The following DHRS12 variants were observed in gnomAD, a reference collection of about 807,000 sequenced individuals.
DHRS12 encodes the protein dehydrogenase/reductase SDR family member 12.
Under a neutral mutation model 32.1 loss-of-function variants are expected in DHRS12, and 29 were observed. The ratio of observed to expected loss-of-function variants is 0.90; its 90% CI spans 0.67 to 1.23. The LOEUF (loss-of-function observed/expected upper bound fraction) is 1.23, where lower values mean the gene tolerates loss of function less well. Ranked by LOEUF, DHRS12 falls within the 50% of genes most tolerant of loss-of-function variation. The pLI is 0.00. For synonymous variants in DHRS12, 150 were observed against 135.9 expected (o/e 1.10, Z -0.72); for missense variants, 330 against 337.2 (o/e 0.98, Z 0.17).
At chr13:51,759,186 A>G in the DHRS12 span, among the ~76,000 whole-genome samples, 1 of 152,154 alleles carries the variant, frequency 6.6e-6, no homozygotes, top group Non-Finnish European at 1.5e-5. Context: ...GTCTCAAAAT[A>G]ATTAATTAAT....
At chr13:51,760,780 C>T in the DHRS12 span, 1 of 152,322 alleles carries the variant, frequency 6.6e-6, no homozygotes, top group Admixed American at 6.5e-5. Context: ...ATGCGCAGTT[C>T]ACAATAGAGT....
chr13:51,755,805 C>T, the DHRS12 span, among the ~76,000 whole-genome samples: 6 of 152,078 alleles, frequency 3.9e-5, no homozygotes, highest in African/African-American at 1.2e-4. Context: ...ATTTTACTTT[C>T]CCTCCTTCTG....
chr13:51,756,648 A>G, the DHRS12 span: 1 of 985,282 alleles, frequency 1.0e-6, no homozygotes, highest in Non-Finnish European at 1.2e-6. Flanking sequence ...AGATGAGAGA[A>G]GAGAAAATAC....
intron 2 of DHRS12, among the ~76,000 whole-genome samples, chr13:51,795,700 A>T (rs987947180): frequency 1.4e-4 from 21 of 152,208 alleles, no homozygotes; most frequent in African/African-American, 5.1e-4. Flanking sequence ...CCCAGGAACC[A>T]GAAGGAAGAA....
intron 8 of DHRS12, chr13:51,768,548 AG>A: frequency 7.4e-7 from 1 of 1,358,976 alleles, no homozygotes; most frequent in Non-Finnish European, 9.5e-7. Context: ...ATCAGCAGGA[AG>A]GGGTGCGGCC....
intron 4 of DHRS12, among the ~76,000 whole-genome samples, chr13:51,784,287 G>A (rs1051616209): frequency 6.6e-6 from 1 of 152,224 alleles, no homozygotes; most frequent in African/African-American, 2.4e-5. Flanking sequence ...TGGGAGCCCA[G>A]AGGGGAGCAT....
downstream of DHRS12, chr13:51,765,850 A>G (rs1953729734): frequency 6.6e-6 from 1 of 152,244 alleles, no homozygotes; most frequent in Non-Finnish European, 1.5e-5. Flanking sequence ...TTAAAAATAG[A>G]TACCTCAAAA....
chr13:51,755,523 A>C, the DHRS12 span: 1 of 1,521,478 alleles, frequency 6.6e-7, no homozygotes, highest in Non-Finnish European at 9.1e-7. Context: ...ATGTGATCTT[A>C]GAAGAAATAA....
At chr13:51,777,270 T>C in intron 4 of DHRS12, 149 bp from the exon 5 acceptor site, 1 of 734,640 alleles carries the variant, frequency 1.4e-6, no homozygotes, top group Non-Finnish European at 2.3e-6. Context: ...CTTCCGAGGA[T>C]CCTTCAAGCC....
chr13:51,802,054 C>T (rs917582994), intron 1 of DHRS12, among the ~76,000 whole-genome samples: 3 of 152,180 alleles, frequency 2.0e-5, no homozygotes, highest in African/African-American at 7.2e-5. Context: ...ACAAGAATTC[C>T]ATCCTGGTCC....
intron 7 of DHRS12, chr13:51,771,197 C>T (rs1045593328): frequency 1.2e-5 from 18 of 1,549,820 alleles, no homozygotes; most frequent in Middle Eastern, 1.7e-4. Context: ...TTCTTGGCGC[C>T]GCGGGTGCAC....
chr13:51,788,119 C>A (rs772798312), intron 4 of DHRS12, among the ~76,000 whole-genome samples: 5 of 151,056 alleles, frequency 3.3e-5, no homozygotes, highest in Admixed American at 6.7e-5. Flanking sequence ...GCTCTGTGGT[C>A]GCTGCATTGA....
At chr13:51,770,881 G>A in intron 7 of DHRS12, 1 of 1,141,510 alleles carries the variant, frequency 8.8e-7, no homozygotes, top group South Asian at 2.5e-5. Flanking sequence ...TTTTGCACAG[G>A]TGTTCTATAA....
chr13:51,794,155 C>T (rs535297225), intron 2 of DHRS12, among the ~76,000 whole-genome samples: 8 of 152,302 alleles, frequency 5.3e-5, no homozygotes, highest in Non-Finnish European at 8.8e-5. Flanking sequence ...TCCCAATCTG[C>T]GGAGCCACAC....
At chr13:51,777,648 C>T (rs1954501508) in intron 4 of DHRS12, among the ~76,000 whole-genome samples, 1 of 152,084 alleles carries the variant, frequency 6.6e-6, no homozygotes, top group African/African-American at 2.4e-5. Context: ...GAGAAAAACA[C>T]TGAAGTGTAT....
At chr13:51,776,791 C>T (rs1289262758) in intron 5 of DHRS12, among the ~76,000 whole-genome samples, 7 of 152,176 alleles carry the variant, frequency 4.6e-5, no homozygotes, top group African/African-American at 9.7e-5. Flanking sequence ...CCCTGCCCTT[C>T]GGAGGCCTCC....
At chr13:51,762,159 T>C in the DHRS12 span, 1 of 152,270 alleles carries the variant, frequency 6.6e-6, no homozygotes, top group African/African-American at 2.4e-5. Flanking sequence ...AACTTTGAGC[T>C]TGGCCTGCCG....
At chr13:51,789,854 A>C in intron 4 of DHRS12, 157 bp downstream of exon 4, 1 of 984,996 alleles carries the variant, frequency 1.0e-6, no homozygotes, top group South Asian at 4.7e-5. Context: ...AAAGTGTTTT[A>C]TGAAGAAAAA....
downstream of DHRS12, chr13:51,767,856 A>T: frequency 3.2e-6 from 1 of 310,688 alleles, no homozygotes; most frequent in Non-Finnish European, 4.7e-6. Flanking sequence ...AGTGGAGTTC[A>T]CAGGGGGGCA....
Sources: gnomAD v4.1 joint callset for allele counts (sites outside exome capture counted in the v4.1 genomes callset) on GRCh38, gnomAD v4.1.1 for gene constraint, MANE v1.5 for transcripts, NCBI Gene and HGNC (gene_info 2026-07-23, HGNC 2026-07-21) for gene names.